GALNTL6: variants seen among roughly 807,000 people sequenced by gnomAD.
GALNTL6 encodes polypeptide N-acetylgalactosaminyltransferase like 6, also known as polypeptide N-acetylgalactosaminyltransferase-like 6.
A neutral mutation model predicts 73.7 loss-of-function variants in GALNTL6; 46 were observed. The observed-to-expected ratio is 0.62, with a 90% CI of 0.49 to 0.80. The LOEUF is 0.80. Ranked by LOEUF, GALNTL6 falls within the 30% of genes least tolerant of loss-of-function variation. GALNTL6 has a pLI of 0.00. For missense variants in GALNTL6, 604 were observed against 755.0 expected, an observed-to-expected ratio of 0.80 and a Z score of 2.34; for synonymous variants, 259 against 263.7, an observed-to-expected ratio of 0.98 and a Z score of 0.17.
chr4:172,094,476 T>A (rs2131004), intron 2 of GALNTL6, among the ~76,000 whole-genome samples: 47,270 of 151,918 alleles, frequency 0.31, 7,930 homozygotes, highest in Non-Finnish European at 0.38. Flanking sequence ...TAAAAGTGCA[T>A]GAATAATGTT....
intron 2 of GALNTL6, among the ~76,000 whole-genome samples, chr4:172,109,480 G>A (rs566098157): frequency 1.3e-5 from 2 of 152,118 alleles, no homozygotes; most frequent in African/African-American, 4.8e-5. Flanking sequence ...TGTGACACAG[G>A]GCCATTTGTT....
chr4:172,711,436 G>T (rs1487557444), intron 5 of GALNTL6, among the ~76,000 whole-genome samples: 3 of 152,250 alleles, frequency 2.0e-5, no homozygotes, highest in East Asian at 3.9e-4. Context: ...AGGAAAAGAA[G>T]ATTCTGAGCT....
intron 10 of GALNTL6, among the ~76,000 whole-genome samples, chr4:172,972,698 TAGAA>T (rs1164619124): frequency 6.6e-6 from 1 of 152,038 alleles, no homozygotes; most frequent in Non-Finnish European, 1.5e-5. Flanking sequence ...CTCTAGAAAG[TAGAA>T]AGGGAAGAAA....
intron 2 of GALNTL6, among the ~76,000 whole-genome samples, chr4:172,198,702 A>G (rs1185947988): frequency 2.0e-5 from 3 of 152,136 alleles, no homozygotes; most frequent in African/African-American, 7.2e-5. Context: ...AATAATTATG[A>G]TAGGACTGTT....
Position 172,606,611 on chromosome 4 carries a change from CATATATAGTAT to C in GALNTL6, c.554-202742_554-202732del, listed in dbSNP as rs1738288864. On this transcript the variant is annotated intron_variant, in intron 5 of 12. Transcript: ENST00000506823. ...ATATATACACATATATACATATATACATATATAGTATATATATACTATATATATACTATATA... is the reference window on the plus strand; with the variant it reads ...ATATATACACATATATACATATATACATATATACTATATATATACTATATA... Among the ~76,000 whole-genome samples, 4 of 116,328 alleles carry C rather than the reference CATATATAGTAT, an allele frequency of 3.4e-5. 1 individual carries two copies. In the South Asian group the frequency reaches 7.1e-4, roughly 21 times the overall value. 76.3% of individuals were successfully genotyped at this position (116,328 alleles called of 152,430 possible).
intron 4 of GALNTL6, among the ~76,000 whole-genome samples, chr4:172,318,765 A>G (rs1740657138): frequency 6.7e-6 from 1 of 150,352 alleles, no homozygotes; most frequent in African/African-American, 2.4e-5. Flanking sequence ...CTGAATGAGG[A>G]CAAGGATAAG....
intron 7 of GALNTL6, among the ~76,000 whole-genome samples, chr4:172,878,944 C>A (rs1745321991): frequency 6.6e-6 from 1 of 151,432 alleles, no homozygotes; most frequent in Non-Finnish European, 1.5e-5. Flanking sequence ...TAATACAAAT[C>A]CAAATAAAGC....
chr4:172,124,418 C>T (rs1733240680), intron 2 of GALNTL6, among the ~76,000 whole-genome samples: 1 of 152,128 alleles, frequency 6.6e-6, no homozygotes, highest in Non-Finnish European at 1.5e-5. Context: ...TGAGGAAGCT[C>T]ATCAAAGATG....
At chr4:172,450,174 G>A (rs962764340) in intron 5 of GALNTL6, among the ~76,000 whole-genome samples, 5 of 150,648 alleles carry the variant, frequency 3.3e-5, no homozygotes, top group Non-Finnish European at 5.9e-5. Flanking sequence ...CCAAGATCAC[G>A]TCGCTGCACT....
At chr4:172,594,486 TG>T (rs1413254464) in intron 5 of GALNTL6, among the ~76,000 whole-genome samples, 1 of 152,224 alleles carries the variant, frequency 6.6e-6, no homozygotes, top group Non-Finnish European at 1.5e-5. Context: ...CCATAAAGTA[TG>T]GAAAATTCAG....
chr4:171,979,413 C>T (rs1302363793), intron 2 of GALNTL6, among the ~76,000 whole-genome samples: 2 of 152,052 alleles, frequency 1.3e-5, no homozygotes, highest in East Asian at 3.9e-4. Flanking sequence ...CGACACAACC[C>T]AGGCAAAAAT....
chr4:172,704,814 G>A (rs1734230214), intron 5 of GALNTL6, among the ~76,000 whole-genome samples: 1 of 151,870 alleles, frequency 6.6e-6, no homozygotes, highest in Admixed American at 6.6e-5. Context: ...TTATTGTATT[G>A]CAGTCTATCC....
chr4:172,469,291 C>T (rs2111459722), intron 5 of GALNTL6, among the ~76,000 whole-genome samples: 1 of 152,208 alleles, frequency 6.6e-6, no homozygotes, highest in African/African-American at 2.4e-5. Flanking sequence ...CCTTAACAAA[C>T]ATAACCACAG....
rs139050679 is a variant in GALNTL6, at chr4:171,952,220, A to G, written c.138+137502A>G. On this transcript the variant is annotated intron_variant, in intron 2 of 12. Transcript: ENST00000506823. ...AAAGGCAATTGACCAGGCTTTGTTTATGGAAGTATATCACTGATTAAAACG... is the reference window on the plus strand; with the variant it reads ...AAAGGCAATTGACCAGGCTTTGTTTGTGGAAGTATATCACTGATTAAAACG... Among the ~76,000 whole-genome samples the G allele has an allele frequency of 1.7e-3, 262 of 151,054 alleles. 2 individuals are homozygous for G. Among genetic ancestry groups the G allele is most frequent in the Admixed American group, 0.012 (177 of 15,152 alleles).
At chr4:172,824,643 AGTCTATGCTGCT>A (rs1742137902) in intron 7 of GALNTL6, among the ~76,000 whole-genome samples, 1 of 151,970 alleles carries the variant, frequency 6.6e-6, no homozygotes, top group Admixed American at 6.6e-5. Context: ...TCTGGCTTTG[AGTCTATGCTGCT>A]GTCTTCTCAG....
intron 7 of GALNTL6, among the ~76,000 whole-genome samples, chr4:172,815,984 A>G (rs1579518703): frequency 6.6e-6 from 1 of 152,218 alleles, no homozygotes; most frequent in African/African-American, 2.4e-5. Flanking sequence ...CGGCAATTTC[A>G]TTATCACGGC....
intron 10 of GALNTL6, among the ~76,000 whole-genome samples, chr4:172,968,881 T>C (rs1750447966): frequency 6.6e-6 from 1 of 152,212 alleles, no homozygotes; most frequent in African/African-American, 2.4e-5. Flanking sequence ...TATGAGATTG[T>C]TCATATATGG....
At position 172,571,863 on chromosome 4, in the gene GALNTL6, C is replaced by T. The variant is rs1736775082; in HGVS notation, c.553+223174C>T. ...AGGCATTGTAGTTAGCCTCAGACAC[C>T]GTTTTCTCACTCAAATGGTTGCAAC... On this transcript the variant is annotated intron_variant, in intron 5 of 12. Coordinates refer to ENST00000506823, the MANE Select transcript of GALNTL6 (RefSeq NM_001034845.3). 1.3e-5 allele frequency among the ~76,000 whole-genome samples: 2 copies of T among 152,134 alleles called. 1 individual carries two copies. Among genetic ancestry groups the T allele is most frequent in the South Asian group, 4.1e-4 (2 of 4,834 alleles).
intron 2 of GALNTL6, among the ~76,000 whole-genome samples, chr4:171,854,937 T>C (rs1484597641): frequency 6.6e-6 from 1 of 152,188 alleles, no homozygotes; most frequent in Admixed American, 6.5e-5. Flanking sequence ...GGATCAGACA[T>C]AAGCTATGCT....
Sources: allele counts gnomAD v4.1 joint callset (sites outside exome capture counted in the v4.1 genomes callset), GRCh38; gene constraint gnomAD v4.1.1; transcripts MANE v1.5; gene names NCBI Gene and HGNC (gene_info 2026-07-23, HGNC 2026-07-21).